Variants in TUSC3 observed in about 807,000 individuals in gnomAD.
The protein encoded by TUSC3 is tumor suppressor candidate 3.
Under a neutral mutation model 44.8 loss-of-function variants are expected in TUSC3, and 45 were observed. The observed-to-expected ratio is 1.00, with a 90% CI of 0.79 to 1.29. TUSC3 has a LOEUF of 1.29. Among genes scored for constraint, TUSC3 ranks in the 50% most tolerant of loss-of-function variants. The pLI is 0.00. For missense variants in TUSC3, 519 were observed against 437.9 expected, an observed-to-expected ratio of 1.19 and a Z score of -1.65; for synonymous variants, 212 against 152.9, an observed-to-expected ratio of 1.39 and a Z score of -2.85.
chr8:15,814,235 A>ATG, the TUSC3 span, among the ~76,000 whole-genome samples: 38 of 151,768 alleles, frequency 2.5e-4, no homozygotes, highest in South Asian at 4.2e-4. Context: ...GATTGAGTGT[A>ATG]TGTGTGTGTG....
intron 1 of TUSC3, among the ~76,000 whole-genome samples, chr8:15,586,810 G>A (rs1803622804): frequency 6.6e-6 from 1 of 152,142 alleles, no homozygotes. Context: ...AACAGCATTA[G>A]TTTAATCCAG....
intron 1 of TUSC3, among the ~76,000 whole-genome samples, chr8:15,430,338 A>G (rs1799856790): frequency 6.7e-6 from 1 of 149,980 alleles, no homozygotes; most frequent in African/African-American, 2.5e-5. Flanking sequence ...ACAAATCAAT[A>G]AACGTAATCC....
intron 2 of TUSC3, among the ~76,000 whole-genome samples, chr8:15,515,307 A>G (rs777777005): frequency 1.3e-5 from 2 of 152,206 alleles, no homozygotes; most frequent in Non-Finnish European, 2.9e-5. Flanking sequence ...GTGACACAAC[A>G]ATACTACCAA....
chr8:15,701,458 A>G (rs1809402552), intron 6 of TUSC3, among the ~76,000 whole-genome samples: 2 of 152,162 alleles, frequency 1.3e-5, no homozygotes, highest in African/African-American at 2.4e-5. Flanking sequence ...AAGCCATAGA[A>G]TAATATTACC....
At chr8:15,456,111 A>C (rs1800253933) in intron 1 of TUSC3, among the ~76,000 whole-genome samples, 1 of 152,212 alleles carries the variant, frequency 6.6e-6, no homozygotes, top group Admixed American at 6.5e-5. Context: ...AGCAGCAAGC[A>C]GCAATCATTG....
intron 2 of TUSC3, among the ~76,000 whole-genome samples, chr8:15,503,499 A>G (rs1800998062): frequency 6.6e-6 from 1 of 152,058 alleles, no homozygotes; most frequent in Non-Finnish European, 1.5e-5. Context: ...TTTCAATTTA[A>G]GTAGGCTTTG....
chr8:15,460,629 C>G (rs1800332973), intron 1 of TUSC3, among the ~76,000 whole-genome samples: 1 of 152,026 alleles, frequency 6.6e-6, no homozygotes, highest in Non-Finnish European at 1.5e-5. Flanking sequence ...AGGGTTTTTC[C>G]AATATTATTT....
chr8:15,821,407 T>C, the TUSC3 span, among the ~76,000 whole-genome samples: 8 of 150,966 alleles, frequency 5.3e-5, no homozygotes, highest in Non-Finnish European at 1.2e-4. Flanking sequence ...TGTGGTTTGC[T>C]GATGTGTAAA....
At chr8:15,735,784 C>T (rs765975536) in intron 7 of TUSC3, among the ~76,000 whole-genome samples, 3 of 152,162 alleles carry the variant, frequency 2.0e-5, no homozygotes, top group Non-Finnish European at 4.4e-5. Context: ...ACTGCAAGCT[C>T]TGCCTTCCGG....
At chr8:15,487,667 A>G (rs945362287) in intron 2 of TUSC3, among the ~76,000 whole-genome samples, 21 of 152,186 alleles carry the variant, frequency 1.4e-4, no homozygotes, top group African/African-American at 4.6e-4. Flanking sequence ...GTGCTGTACC[A>G]CCTAATCTGT....
intron 2 of TUSC3, among the ~76,000 whole-genome samples, chr8:15,626,748 G>C (rs1246025682): frequency 6.6e-6 from 1 of 152,212 alleles, no homozygotes; most frequent in African/African-American, 2.4e-5. Context: ...TGCATGCTCA[G>C]GGTAGAGCTG....
the TUSC3 span, among the ~76,000 whole-genome samples, chr8:15,823,751 A>G: frequency 6.6e-6 from 1 of 152,148 alleles, no homozygotes; most frequent in African/African-American, 2.4e-5. Context: ...TGTTGAAATC[A>G]TGTTCTTAAT....
rs774781567 is a variant in TUSC3 at position 15,748,469 on chromosome 8, A to C, written c.1028+4A>C. On this transcript the variant is annotated splice_donor_region_variant and intron_variant, in intron 9 of 10. Transcript: ENST00000503731. The stretch of plus-strand genomic sequence containing the variant: ...AGTACCACGGCTATCCTTATAGGTA[A>C]TATCTTTATACTAACATGAATGTTT... 6.3e-7 allele frequency: 1 copy of C among 1,582,272 alleles called. No homozygotes were observed.
chr8:15,476,839 A>G lies in TUSC3; in HGVS notation n.92-6547A>G, dbSNP rs1409224838. On this transcript the variant is annotated intron_variant and non_coding_transcript_variant, in intron 1 of 5. Transcript: ENST00000503191. ...GAAGTAGTGGCCCACCATCAGTCTGATTGTTGGCAGAAAGTTTTTCACAAC... is the reference window on the plus strand; with the variant it reads ...GAAGTAGTGGCCCACCATCAGTCTGGTTGTTGGCAGAAAGTTTTTCACAAC... Among the ~76,000 whole-genome samples, 5 of 152,200 alleles carry G rather than the reference A, an allele frequency of 3.3e-5. No homozygotes were observed. The East Asian group carries it at 9.6e-4, about 29-fold the overall frequency.
At chr8:15,845,539 G>C in the TUSC3 span, among the ~76,000 whole-genome samples, 1 of 152,106 alleles carries the variant, frequency 6.6e-6, no homozygotes, top group East Asian at 1.9e-4. Flanking sequence ...ACATTTTAAG[G>C]TTCTGTGATT....
At chr8:15,555,951 A>C (rs1199930723) in intron 1 of TUSC3, among the ~76,000 whole-genome samples, 1 of 151,622 alleles carries the variant, frequency 6.6e-6, no homozygotes, top group Admixed American at 6.6e-5. Flanking sequence ...ATAAATGATC[A>C]AAACCATTAG....
In TUSC3 at chr8:15,557,870, G is replaced by A. The variant is rs1563288532; in HGVS notation, c.138+17302G>A. ...CATTGATTTTGTATCCTGAGACTTT[G>A]CTGAAGTTGCTTATCAGCTTAAGGA... On this transcript the variant is annotated intron_variant, in intron 1 of 10. Transcript: ENST00000503731. Among the ~76,000 whole-genome samples, 2 of 107,646 alleles carry A rather than the reference G, an allele frequency of 1.9e-5. 1 individual carries two copies. Among genetic ancestry groups the A allele is most frequent in the Non-Finnish European group, 4.0e-5 (2 of 49,964 alleles). The allele number at this position is 107,646 out of a possible 152,430, so 70.6% of individuals were successfully genotyped here.
chr8:15,617,515 C>T (rs1805050740), intron 1 of TUSC3, among the ~76,000 whole-genome samples: 1 of 151,974 alleles, frequency 6.6e-6, no homozygotes, highest in Non-Finnish European at 1.5e-5. Flanking sequence ...GCATTCTGGC[C>T]CTCCCCCTTT....
At chr8:15,724,868 T>G (rs1810442163) in intron 6 of TUSC3, among the ~76,000 whole-genome samples, 1 of 152,174 alleles carries the variant, frequency 6.6e-6, no homozygotes, top group Non-Finnish European at 1.5e-5. Flanking sequence ...ATATAGTTAG[T>G]GAGAGATAAT....
Sources: gnomAD v4.1 joint callset for allele counts (sites outside exome capture counted in the v4.1 genomes callset) on GRCh38, gnomAD v4.1.1 for gene constraint, MANE v1.5 for transcripts, NCBI Gene and HGNC (gene_info 2026-07-23, HGNC 2026-07-21) for gene names.